The following PYGO1 variants were observed in gnomAD, a reference collection of about 807,000 sequenced individuals.
PYGO1 encodes the protein pygopus homolog 1.
A neutral mutation model predicts 29.5 loss-of-function variants in PYGO1; 6 were observed. The observed-to-expected ratio is 0.20, with a 90% CI of 0.11 to 0.40. The LOEUF is 0.40. Among genes scored for constraint, PYGO1 ranks in the 10% least tolerant of loss-of-function variants. PYGO1 has a pLI of 1.00. For missense variants in PYGO1, 515 were observed against 514.9 expected, an observed-to-expected ratio of 1.00 and a Z score of 0.00; for synonymous variants, 186 against 180.5, an observed-to-expected ratio of 1.03 and a Z score of -0.24.
chr15:55,545,228 G>A lies in PYGO1; in HGVS notation c.*795C>T, dbSNP rs1334670474. On this transcript the variant is annotated 3_prime_UTR_variant, in exon 3 of 3. Coordinates refer to ENST00000563719, the MANE Select transcript of PYGO1 (RefSeq NM_001367806.1). Reference sequence around the variant, plus strand: ...TCTGTGGATACTATAGTATTTCTCTGGAAAACAATAAACAATAACAAGACA... The same window carrying A: ...TCTGTGGATACTATAGTATTTCTCTAGAAAACAATAAACAATAACAAGACA... 2 of 151,984 alleles carry A rather than the reference G, an allele frequency of 1.3e-5. No individual in the cohort carries two copies. Among genetic ancestry groups the A allele is most frequent in the East Asian group, 1.9e-4 (1 of 5,184 alleles). 9.4% of individuals were successfully genotyped at this position (151,984 alleles called of 1,614,324 possible).
At chr15:55,574,590 T>C (rs1372629580) in intron 1 of PYGO1, among the ~76,000 whole-genome samples, 2 of 152,196 alleles carry the variant, frequency 1.3e-5, no homozygotes, top group African/African-American at 4.8e-5. Flanking sequence ...TTTCAATTTG[T>C]TGCAATTCTT....
Position 55,541,953 on chromosome 15 carries a change from T to G in PYGO1, c.*4070A>C, listed in dbSNP as rs1439343397. On this transcript the variant is annotated 3_prime_UTR_variant, in exon 3 of 3. Transcript: ENST00000563719. ...TAGGAGCTTCCCTATTGTGTAGAGT[T>G]CCAAGCCACTATTTACAAATGAACT... 3 of 152,186 alleles carry G rather than the reference T, an allele frequency of 2.0e-5. No individual in the cohort carries two copies. The highest frequency in any genetic ancestry group is 7.2e-5 in the African/African-American group (3 of 41,426). 9.4% of individuals were successfully genotyped at this position (152,186 alleles called of 1,614,324 possible).
At chr15:55,552,808 A>G (rs961675937) in intron 1 of PYGO1, among the ~76,000 whole-genome samples, 1 of 152,192 alleles carries the variant, frequency 6.6e-6, no homozygotes, top group Admixed American at 6.5e-5. Context: ...AAGTCCCTGC[A>G]AAGATGAAAA....
intron 1 of PYGO1, among the ~76,000 whole-genome samples, 165 bp downstream of exon 1, chr15:55,587,670 C>A (rs997435891): frequency 6.6e-6 from 1 of 151,804 alleles, no homozygotes. Flanking sequence ...AGCGGGCGCC[C>A]GGGCCGCGCG....
At chr15:55,586,518 A>G (rs1460281313) in intron 1 of PYGO1, among the ~76,000 whole-genome samples, 1 of 152,186 alleles carries the variant, frequency 6.6e-6, no homozygotes, top group East Asian at 1.9e-4. Context: ...ACTCTTAATG[A>G]TATCTATCAC....
At chr15:55,583,502 A>AT (rs35020005) in intron 1 of PYGO1, among the ~76,000 whole-genome samples, 61,927 of 151,368 alleles carry the variant, frequency 0.41, 12,859 homozygotes, top group Middle Eastern at 0.5. Context: ...CTTTTACCAC[A>AT]TTTTTTTGTT....
intron 1 of PYGO1, among the ~76,000 whole-genome samples, chr15:55,560,704 T>C (rs751310976): frequency 1.7e-4 from 26 of 152,144 alleles, no homozygotes; most frequent in Non-Finnish European, 3.2e-4. Context: ...GGCCCACACC[T>C]ATAATCCCAG....
rs1402478645 is a variant in PYGO1, at chr15:55,539,712, TAAAAAA to T, written c.*6305_*6310del. The T allele has an allele frequency of 6.6e-6, 1 of 152,046 alleles. No individual in the cohort carries two copies. Among genetic ancestry groups the T allele is most frequent in the Non-Finnish European group, 1.5e-5 (1 of 67,900 alleles). The allele number at this position is 152,046 out of a possible 1,614,324, so 9.4% of individuals were successfully genotyped here. A position where few individuals can be genotyped will look rare whatever the true frequency, so the allele number is the denominator to read the frequency against. On this transcript the variant is annotated 3_prime_UTR_variant, in exon 3 of 3. Transcript: ENST00000563719. The stretch of plus-strand genomic sequence containing the variant: ...TGATACAGTATGGTATCTAGCGTTT[TAAAAAA>T]TATTAAGTCTGAATCAGATTTATTG...
chr15:55,548,707 T>TAAAAAAAAAAAAAAAAAAAAAAAA (rs60796044), intron 2 of PYGO1, among the ~76,000 whole-genome samples: 1 of 55,448 alleles, frequency 1.8e-5, no homozygotes, highest in Non-Finnish European at 3.0e-5. Context: ...AGAATCCACC[T>TAAAAAAAAAAAAAAAAAAAAAAAA]AAAAAAAAAA....
At position 55,540,575 on chromosome 15, in the gene PYGO1, A is replaced by C. The variant is rs1352614010; in HGVS notation, c.*5448T>G. On this transcript the variant is annotated 3_prime_UTR_variant, in exon 3 of 3. Transcript: ENST00000563719. Reference sequence around the variant, plus strand: ...GACATCAGGCCATCTATTAATCCATAAATATTGATGTTTCACATACTTCAT... The same window carrying C: ...GACATCAGGCCATCTATTAATCCATCAATATTGATGTTTCACATACTTCAT... 6.6e-6 allele frequency: 1 copy of C among 152,178 alleles called. No homozygotes were observed. The highest frequency in any genetic ancestry group is 1.5e-5 in the Non-Finnish European group (1 of 67,988). 9.4% of individuals were successfully genotyped at this position (152,178 alleles called of 1,614,324 possible).
chr15:55,571,429 C>G (rs1244400822), intron 1 of PYGO1, among the ~76,000 whole-genome samples: 1 of 152,152 alleles, frequency 6.6e-6, no homozygotes, highest in Non-Finnish European at 1.5e-5. Flanking sequence ...GGCTGTGTCC[C>G]TACCCAAATC....
chr15:55,556,244 A>C (rs1730642330), intron 1 of PYGO1, among the ~76,000 whole-genome samples: 1 of 152,226 alleles, frequency 6.6e-6, no homozygotes, highest in South Asian at 2.1e-4. Context: ...AAAATTGATC[A>C]CAATCGGAAG....
At chr15:55,582,708 T>C (rs1231898440) in intron 1 of PYGO1, among the ~76,000 whole-genome samples, 1 of 152,224 alleles carries the variant, frequency 6.6e-6, no homozygotes, top group Non-Finnish European at 1.5e-5. Context: ...TACACTGGAA[T>C]ATCCCAGGAG....
intron 1 of PYGO1, among the ~76,000 whole-genome samples, chr15:55,576,759 T>TAAAAAAAAAAAAAAAAAAA (rs1567059330): frequency 3.8e-3 from 16 of 4,170 alleles, no homozygotes; most frequent in African/African-American, 6.0e-3. Flanking sequence ...GGGCGACAGA[T>TAAAAAAAAAAAAAAAAAAA]CAAAAAAAAG....
chr15:55,544,763 T>C lies in PYGO1; in HGVS notation c.*1260A>G, dbSNP rs747222626. On this transcript the variant is annotated 3_prime_UTR_variant, in exon 3 of 3. Transcript: ENST00000563719. ...CCTCCAATGATTGTATAAATTGCCA[T>C]TAGCTGTCAAACAGCACACATTTTT... The C allele has an allele frequency of 6.6e-6, 1 of 152,138 alleles. No individual in the cohort carries two copies. Among genetic ancestry groups the C allele is most frequent in the Middle Eastern group, 3.2e-3 (1 of 316 alleles). 9.4% of individuals were successfully genotyped at this position (152,138 alleles called of 1,614,324 possible).
chr15:55,558,716 A>G (rs1459780105), intron 1 of PYGO1, among the ~76,000 whole-genome samples: 2 of 152,052 alleles, frequency 1.3e-5, no homozygotes, highest in Non-Finnish European at 2.9e-5. Flanking sequence ...CAAACCTGAC[A>G]AAAACAAGAA....
intron 1 of PYGO1, among the ~76,000 whole-genome samples, chr15:55,582,108 G>C (rs909079812): frequency 6.6e-6 from 1 of 151,418 alleles, no homozygotes; most frequent in Non-Finnish European, 1.5e-5. Context: ...TCTGGAGGCT[G>C]AGGCAGGAGA....
intron 1 of PYGO1, among the ~76,000 whole-genome samples, chr15:55,586,564 T>C (rs1385420910): frequency 1.3e-5 from 2 of 152,200 alleles, no homozygotes; most frequent in African/African-American, 2.4e-5. Flanking sequence ...TAATTCTTGA[T>C]CCTACTCCTT....
At chr15:55,553,279 T>C (rs2058888173) in intron 1 of PYGO1, among the ~76,000 whole-genome samples, 1 of 152,172 alleles carries the variant, frequency 6.6e-6, no homozygotes, top group Non-Finnish European at 1.5e-5. Flanking sequence ...CTGCTGTCTC[T>C]GCAGTTCAGT....
Sources: gnomAD v4.1 joint callset for allele counts (sites outside exome capture counted in the v4.1 genomes callset) on GRCh38, gnomAD v4.1.1 for gene constraint, MANE v1.5 for transcripts, NCBI Gene and HGNC (gene_info 2026-07-23, HGNC 2026-07-21) for gene names.